Variants in TENM3 observed in about 807,000 individuals in gnomAD.
TENM3 encodes teneurin transmembrane protein 3.
TENM3 carries 63 observed loss-of-function variants against 255.1 expected under a neutral mutation model. That is an observed-to-expected ratio of 0.25 (90% CI 0.20 to 0.30). TENM3 has a LOEUF of 0.30. Among genes scored for constraint, TENM3 ranks in the 10% least tolerant of loss-of-function variants. The pLI, the probability that TENM3 is intolerant of heterozygous loss-of-function variation, is 1.00. For synonymous variants in TENM3, 1,306 were observed against 1,322.3 expected (o/e 0.99, Z 0.27); for missense variants, 2,929 against 3,461.1 (o/e 0.85, Z 3.86).
the TENM3 span, among the ~76,000 whole-genome samples, chr4:181,769,459 T>A: frequency 6.6e-6 from 1 of 152,232 alleles, no homozygotes; most frequent in South Asian, 2.1e-4. Context: ...GATATAATAA[T>A]GGCTCCTCCT....
the TENM3 span, among the ~76,000 whole-genome samples, chr4:181,525,757 CAA>C: frequency 6.6e-6 from 1 of 152,162 alleles, no homozygotes; most frequent in Non-Finnish European, 1.5e-5. Flanking sequence ...ATGTAGCAGT[CAA>C]GAGCTGTGGG....
chr4:182,039,636 A>C, the TENM3 span, among the ~76,000 whole-genome samples: 1 of 151,998 alleles, frequency 6.6e-6, no homozygotes, highest in Non-Finnish European at 1.5e-5. Context: ...GCACATATAC[A>C]TACATACATG....
At chr4:182,777,854 G>C (rs1436017796) in intron 24 of TENM3, among the ~76,000 whole-genome samples, 1 of 121,900 alleles carries the variant, frequency 8.2e-6, no homozygotes, top group Non-Finnish European at 1.6e-5. Context: ...TATATATGCT[G>C]TTATATATAT....
At chr4:181,844,262 G>A in the TENM3 span, among the ~76,000 whole-genome samples, 1 of 152,068 alleles carries the variant, frequency 6.6e-6, no homozygotes, top group African/African-American at 2.4e-5. Context: ...TATGAACTTT[G>A]GGGGGACACA....
At chr4:181,702,383 G>A in the TENM3 span, among the ~76,000 whole-genome samples, 2 of 152,132 alleles carry the variant, frequency 1.3e-5, no homozygotes, top group Non-Finnish European at 2.9e-5. Context: ...GACAAAATTG[G>A]AAAGATTGTT....
the TENM3 span, among the ~76,000 whole-genome samples, chr4:181,955,399 T>A: frequency 6.6e-6 from 1 of 152,132 alleles, no homozygotes; most frequent in Non-Finnish European, 1.5e-5. Context: ...GAAGAAGTGG[T>A]CTTTGGGCCA....
At chr4:181,515,442 C>T in the TENM3 span, among the ~76,000 whole-genome samples, 1 of 152,018 alleles carries the variant, frequency 6.6e-6, no homozygotes, top group Non-Finnish European at 1.5e-5. Context: ...AAAAGATCTG[C>T]CACAAATACC....
chr4:182,769,543 G>GGAGGCC (rs1176622346), intron 22 of TENM3, among the ~76,000 whole-genome samples: 2 of 152,090 alleles, frequency 1.3e-5, no homozygotes, highest in African/African-American at 4.8e-5. Flanking sequence ...CAGCACTTTG[G>GGAGGCC]GAGGCCGAGG....
chr4:182,319,229 A>T (rs992421670), intron 1 of TENM3, among the ~76,000 whole-genome samples: 2 of 152,222 alleles, frequency 1.3e-5, no homozygotes, highest in African/African-American at 4.8e-5. Context: ...TTCCTTGTGT[A>T]GGACTGTGCA....
At chr4:181,970,842 G>A in the TENM3 span, among the ~76,000 whole-genome samples, 1 of 152,138 alleles carries the variant, frequency 6.6e-6, no homozygotes. Flanking sequence ...AAAAATAAAT[G>A]ATATTTTTGT....
Position 182,628,757 on chromosome 4 carries a change from C to T in TENM3, c.856C>T (p.Leu286=). Residue 286 remains leucine (L), a synonymous_variant, in exon 5 of 28, where the codon CTA becomes TTA. Coordinates refer to ENST00000511685, the MANE Select transcript of TENM3 (RefSeq NM_001080477.4). ...TGTTTATTCACCACCTACTCGGCCA[C>T]TACCTAGAAACACCCTATCAAGAAG... ...GSVYSPPTRP[L]PRNTLSRSAF... 6.2e-7 allele frequency: 1 copy of T among 1,610,004 alleles called. No homozygotes were observed. Among genetic ancestry groups the T allele is most frequent in the Non-Finnish European group, 8.5e-7 (1 of 1,178,162 alleles).
intron 3 of TENM3, among the ~76,000 whole-genome samples, chr4:182,533,074 A>ATCTT (rs956906319): frequency 6.6e-6 from 1 of 152,166 alleles, no homozygotes; most frequent in Non-Finnish European, 1.5e-5. Flanking sequence ...AGCACTAAAG[A>ATCTT]GAGTTGTGCC....
the TENM3 span, among the ~76,000 whole-genome samples, chr4:181,717,919 A>C: frequency 6.6e-6 from 1 of 152,208 alleles, no homozygotes; most frequent in South Asian, 2.1e-4. Flanking sequence ...TGAATAGTGC[A>C]AGATTGTATG....
At chr4:182,124,087 C>T in the TENM3 span, among the ~76,000 whole-genome samples, 14 of 152,076 alleles carry the variant, frequency 9.2e-5, no homozygotes, top group Non-Finnish European at 1.5e-4. Context: ...AGTCTCACTC[C>T]GTTATCCAGG....
At chr4:181,496,687 CGTG>C in the TENM3 span, among the ~76,000 whole-genome samples, 5 of 152,162 alleles carry the variant, frequency 3.3e-5, no homozygotes, top group Non-Finnish European at 5.9e-5. Context: ...GCAATATGCA[CGTG>C]CCAAATGAAT....
At chr4:182,030,710 G>A in the TENM3 span, among the ~76,000 whole-genome samples, 2 of 152,110 alleles carry the variant, frequency 1.3e-5, no homozygotes, top group Non-Finnish European at 2.9e-5. Flanking sequence ...CAGTGTAAAA[G>A]CATCTGTTGT....
chr4:182,598,738 A>G (rs1396369415), intron 3 of TENM3, among the ~76,000 whole-genome samples: 1 of 152,208 alleles, frequency 6.6e-6, no homozygotes, highest in Non-Finnish European at 1.5e-5. Context: ...TGTGTGATGA[A>G]TAAATGAATG....
At chr4:182,375,666 T>C (rs1767135253) in intron 3 of TENM3, among the ~76,000 whole-genome samples, 1 of 152,090 alleles carries the variant, frequency 6.6e-6, no homozygotes, top group African/African-American at 2.4e-5. Flanking sequence ...CTCCGCCTCC[T>C]GGGCAGCTGG....
At chr4:181,613,090 T>C in the TENM3 span, among the ~76,000 whole-genome samples, 1 of 152,172 alleles carries the variant, frequency 6.6e-6, no homozygotes, top group African/African-American at 2.4e-5. Flanking sequence ...TGAAAAACTC[T>C]AAGAGAATTC....
Sources: allele counts gnomAD v4.1 joint callset (sites outside exome capture counted in the v4.1 genomes callset), GRCh38; gene constraint gnomAD v4.1.1; transcripts MANE v1.5; gene names NCBI Gene and HGNC (gene_info 2026-07-23, HGNC 2026-07-21).